The following CNTRL variants were observed in gnomAD, a reference collection of about 807,000 sequenced individuals.
CNTRL encodes the protein centriolin.
A neutral mutation model predicts 303.7 loss-of-function variants in CNTRL; 233 were observed. The ratio of observed to expected loss-of-function variants is 0.77; its 90% CI spans 0.69 to 0.86. CNTRL has a LOEUF of 0.86. Among genes scored for constraint, CNTRL ranks in the 40% least tolerant of loss-of-function variants. The pLI is 0.00. For synonymous variants in CNTRL, 900 were observed against 922.2 expected (o/e 0.98, Z 0.44); for missense variants, 2,524 against 2,650.6 (o/e 0.95, Z 1.05).
At chr9:121,109,395 G>T (rs773199169) in intron 8 of CNTRL, among the ~76,000 whole-genome samples, 1 of 152,010 alleles carries the variant, frequency 6.6e-6, no homozygotes, top group Admixed American at 6.6e-5. Context: ...CAGCATACGT[G>T]GACAACTCTC....
chr9:121,153,476 T>C (rs150308531), intron 26 of CNTRL, among the ~76,000 whole-genome samples: 1 of 152,270 alleles, frequency 6.6e-6, no homozygotes, highest in Non-Finnish European at 1.5e-5. Context: ...AAAATAAAGG[T>C]CAGAGATCCC....
At chr9:121,137,801 C>T (rs1440572928) in intron 15 of CNTRL, among the ~76,000 whole-genome samples, 1 of 152,172 alleles carries the variant, frequency 6.6e-6, no homozygotes, top group Non-Finnish European at 1.5e-5. Context: ...CCAGACTGTA[C>T]TAGCTTGAAA....
chr9:121,172,465 A>G (rs1331816452), intron 40 of CNTRL, among the ~76,000 whole-genome samples: 1 of 151,940 alleles, frequency 6.6e-6, no homozygotes, highest in Non-Finnish European at 1.5e-5. Flanking sequence ...ACATGCCGAG[A>G]CCCCGTCTCT....
At chr9:121,127,873 C>G (rs1332644874) in intron 14 of CNTRL, among the ~76,000 whole-genome samples, 1 of 145,564 alleles carries the variant, frequency 6.9e-6, no homozygotes, top group Non-Finnish European at 1.5e-5. Context: ...CAGTTCCTAC[C>G]TATGAGTGAG....
chr9:121,157,697 G>T (rs763946244), intron 28 of CNTRL, 43 bp from the exon 29 acceptor site: 6 of 1,607,648 alleles, frequency 3.7e-6, no homozygotes, highest in African/African-American at 2.7e-5. Context: ...ATAATGCATG[G>T]TAAGTCTACA....
At chr9:121,079,230 G>A (rs2048046918) in intron 1 of CNTRL, among the ~76,000 whole-genome samples, 1 of 152,130 alleles carries the variant, frequency 6.6e-6, no homozygotes, top group Non-Finnish European at 1.5e-5. Context: ...TGTTTACCAC[G>A]CTTGAAATTT....
chr9:121,168,405 G>A (rs574591975), intron 38 of CNTRL, 84 bp downstream of exon 38: 29 of 1,224,250 alleles, frequency 2.4e-5, no homozygotes, highest in East Asian at 4.8e-5. Context: ...AAAGAGATCC[G>A]GACCCCAGCC....
At position 121,171,466 on chromosome 9, in the gene CNTRL, C is replaced by T. The variant is rs771647036; in HGVS notation, c.6335C>T (p.Ala2112Val). 2 of 1,613,938 alleles carry T rather than the reference C, an allele frequency of 1.2e-6. No homozygotes were observed. Among genetic ancestry groups the T allele is most frequent in the Non-Finnish European group, 1.7e-6 (2 of 1,179,952 alleles). ...QKEMATIELV[A>V]QDNHERARRL... Reference sequence around the variant, plus strand: ...GAAATGGCAACAATTGAACTGGTAGCCCAGGACAACCATGAGCGGGCCAGG... The same window carrying T: ...GAAATGGCAACAATTGAACTGGTAGTCCAGGACAACCATGAGCGGGCCAGG... Residue 2112 changes from alanine to valine, a missense_variant, in exon 40 of 44, where the codon GCC (alanine) becomes GTC (valine). Ala to Val is a moderately conservative substitution (Grantham distance 64). Transcript: ENST00000373855.
At chr9:121,143,151 C>T (rs928391173) in intron 19 of CNTRL, among the ~76,000 whole-genome samples, 10 of 152,146 alleles carry the variant, frequency 6.6e-5, no homozygotes, top group Admixed American at 2.0e-4. Context: ...TGTTTCACAC[C>T]TTCTCATTCC....
At chr9:121,159,786 G>A (rs964764603) in intron 31 of CNTRL, among the ~76,000 whole-genome samples, 1 of 152,000 alleles carries the variant, frequency 6.6e-6, no homozygotes, top group Non-Finnish European at 1.5e-5. Flanking sequence ...GTTTCCTAGG[G>A]CATGAAGGCC....
Position 121,145,978 on chromosome 9 carries a change from C to T in CNTRL, c.3311-130C>T, listed in dbSNP as rs141041421. 5.9e-3 allele frequency: 4,405 copies of T among 747,836 alleles called. 32 individuals are homozygous for T. Among genetic ancestry groups the T allele is most frequent in the South Asian group, 0.012 (526 of 43,470 alleles). The allele number at this position is 747,836 out of a possible 1,614,324, so 46.3% of individuals were successfully genotyped here. ...ATCAGTTTGCCTTTTTTTGACTTAC[C>T]AAAGGGCAGACTGAAAGTCAGCTTT... On this transcript the variant is annotated intron_variant, in intron 22 of 43. Coordinates refer to ENST00000373855, the MANE Select transcript of CNTRL (RefSeq NM_007018.6).
At chr9:121,134,291 TTA>T (rs1491318647) in intron 14 of CNTRL, among the ~76,000 whole-genome samples, 1,080 of 88,462 alleles carry the variant, frequency 0.012, 29 homozygotes, top group South Asian at 0.039. Context: ...AATATCATTA[TTA>T]TTTTTTTTTT....
chr9:121,126,070 T>A, intron 14 of CNTRL, 134 bp downstream of exon 14: 1 of 670,372 alleles, frequency 1.5e-6, no homozygotes, highest in Non-Finnish European at 2.5e-6. Context: ...TTTTTTCTTT[T>A]AACAGTTGGG....
rs757769725 is a variant in CNTRL, at chr9:121,135,871, C to G, written c.2091C>G (p.Thr697=). Reference sequence around the variant, plus strand: ...AGGTGAATGCATCTTTGCAGCAGACCCAGGGAGATCTCAGTGCCTATGAAG... The same window carrying G: ...AGGTGAATGCATCTTTGCAGCAGACGCAGGGAGATCTCAGTGCCTATGAAG... ...QHEVNASLQQ[T]QGDLSAYEAE... The change falls in exon 15 of 44, where the codon ACC becomes ACG. Residue 697 remains threonine, a synonymous_variant. Transcript: ENST00000373855. 3 of 1,613,882 alleles carry G rather than the reference C, an allele frequency of 1.9e-6. No homozygotes were observed. Among genetic ancestry groups the G allele is most frequent in the Non-Finnish European group, 2.5e-6 (3 of 1,179,932 alleles).
chr9:121,150,734 G>A (rs2052186837), intron 25 of CNTRL: 1 of 441,010 alleles, frequency 2.3e-6, no homozygotes, highest in Admixed American at 4.0e-5. Context: ...TTCAAGGCCA[G>A]CCCCGGTAAC....
At chr9:121,159,617 G>A (rs1341812173) in intron 31 of CNTRL, among the ~76,000 whole-genome samples, 3 of 151,970 alleles carry the variant, frequency 2.0e-5, no homozygotes, top group South Asian at 2.1e-4. Context: ...CCCGGGAGGC[G>A]GAGGTTGCAG....
At chr9:121,096,660 G>C in intron 6 of CNTRL, 97 bp downstream of exon 6, 1 of 1,044,664 alleles carries the variant, frequency 9.6e-7, no homozygotes, top group Non-Finnish European at 1.3e-6. Context: ...TTCTTTTAAA[G>C]ATTTTGCTCC....
At chr9:121,161,762 TG>T in intron 32 of CNTRL, 93 bp from the exon 33 acceptor site, 1 of 881,208 alleles carries the variant, frequency 1.1e-6, no homozygotes, top group Non-Finnish European at 1.8e-6. Flanking sequence ...AAAATTGTCT[TG>T]TATTAGTCAA....
intron 1 of CNTRL, among the ~76,000 whole-genome samples, chr9:121,077,945 CA>C (rs1029471488): frequency 4.4e-4 from 67 of 152,036 alleles, no homozygotes; most frequent in African/African-American, 1.6e-3. Flanking sequence ...GACCTTGCCT[CA>C]GGGGGGAAAA....
Sources: allele counts gnomAD v4.1 joint callset (sites outside exome capture counted in the v4.1 genomes callset), GRCh38; gene constraint gnomAD v4.1.1; transcripts MANE v1.5; gene names NCBI Gene and HGNC (gene_info 2026-07-23, HGNC 2026-07-21).